Variants in ITGB6 observed in about 807,000 individuals in gnomAD.
The protein encoded by ITGB6 is integrin beta-6.
Under a neutral mutation model 84.5 loss-of-function variants are expected in ITGB6, and 80 were observed. The observed-to-expected ratio is 0.95, with a 90% confidence interval of 0.79 to 1.14. The LOEUF is 1.14. Among genes scored for constraint, ITGB6 ranks in the 50% most tolerant of loss-of-function variants. ITGB6 has a pLI of 0.00. For missense variants in ITGB6, 1,006 were observed against 968.0 expected, an observed-to-expected ratio of 1.04 and a Z score of -0.52; for synonymous variants, 383 against 354.9, an observed-to-expected ratio of 1.08 and a Z score of -0.89.
intron 7 of ITGB6, among the ~76,000 whole-genome samples, chr2:160,164,204 G>A (rs1684919991): frequency 6.6e-6 from 1 of 152,164 alleles, no homozygotes; most frequent in Non-Finnish European, 1.5e-5. Context: ...GACTTCTTAA[G>A]GCAGGCACTA....
chr2:160,174,925 G>A (rs1685358586), intron 4 of ITGB6, among the ~76,000 whole-genome samples: 2 of 152,196 alleles, frequency 1.3e-5, no homozygotes, highest in Admixed American at 1.3e-4. Context: ...GCATCACCCG[G>A]CAAATTGTTA....
At chr2:160,144,986 G>A (rs1170590549) in intron 7 of ITGB6, among the ~76,000 whole-genome samples, 1 of 152,032 alleles carries the variant, frequency 6.6e-6, no homozygotes, top group African/African-American at 2.4e-5. Context: ...CTAAAAATAT[G>A]GACAATTTGG....
intron 12 of ITGB6, among the ~76,000 whole-genome samples, chr2:160,115,776 C>A (rs568092897): frequency 6.6e-6 from 1 of 152,198 alleles, no homozygotes; most frequent in East Asian, 1.9e-4. Context: ...AAAAATTAGA[C>A]GAATGGATAA....
chr2:160,186,712 A>T (rs1007385665), intron 4 of ITGB6, among the ~76,000 whole-genome samples: 1 of 152,196 alleles, frequency 6.6e-6, no homozygotes, highest in Admixed American at 6.5e-5. Flanking sequence ...CTTGGAACCA[A>T]CCCAAATGTC....
intron 4 of ITGB6, among the ~76,000 whole-genome samples, chr2:160,180,252 C>T (rs1321695893): frequency 2.0e-5 from 3 of 152,100 alleles, no homozygotes; most frequent in African/African-American, 4.8e-5. Flanking sequence ...AGTGTCTCTC[C>T]ATCCACTGAA....
At chr2:160,148,912 G>C (rs907383788) in intron 7 of ITGB6, among the ~76,000 whole-genome samples, 1 of 152,260 alleles carries the variant, frequency 6.6e-6, no homozygotes, top group Non-Finnish European at 1.5e-5. Flanking sequence ...ATCTGCCATT[G>C]CTGAGGCTTT....
intron 7 of ITGB6, among the ~76,000 whole-genome samples, chr2:160,147,030 T>C (rs1274076629): frequency 6.8e-6 from 1 of 146,694 alleles, no homozygotes; most frequent in East Asian, 2.0e-4. Context: ...GTCTGGGAGG[T>C]TGGGGCTGCA....
intron 4 of ITGB6, chr2:160,179,142 C>T (rs2105877402): frequency 1.3e-5 from 2 of 152,100 alleles, no homozygotes; most frequent in South Asian, 4.1e-4. Context: ...ATAAATATTA[C>T]TTCAATTTTT....
intron 13 of ITGB6, among the ~76,000 whole-genome samples, chr2:160,108,717 A>G (rs1697006493): frequency 6.6e-6 from 1 of 152,192 alleles, no homozygotes; most frequent in Admixed American, 6.5e-5. Context: ...AATTATTCTT[A>G]TCCTCAAGCA....
chr2:160,102,835 C>T (rs1420192241), intron 14 of ITGB6, among the ~76,000 whole-genome samples: 3 of 152,210 alleles, frequency 2.0e-5, no homozygotes, highest in Non-Finnish European at 4.4e-5. Context: ...CATGACCGTA[C>T]TGAAGACACT....
rs1161953591 is a variant in ITGB6, at chr2:160,136,716, C to T, written c.1660+718G>A. On this transcript the variant is annotated intron_variant, in intron 10 of 14. Transcript: ENST00000283249. ...CACATATACGCCATGGAATACTATGCAGCCTTAAAAAATGATGAGTTCATG... is the reference window on the plus strand; with the variant it reads ...CACATATACGCCATGGAATACTATGTAGCCTTAAAAAATGATGAGTTCATG... 3.3e-5 allele frequency among the ~76,000 whole-genome samples: 5 copies of T among 152,302 alleles called. No individual in the cohort carries two copies. The South Asian group carries it at 1.0e-3, about 32-fold the overall frequency.
intron 4 of ITGB6, among the ~76,000 whole-genome samples, chr2:160,194,666 G>A (rs1686264526): frequency 6.6e-6 from 1 of 152,146 alleles, no homozygotes; most frequent in African/African-American, 2.4e-5. Flanking sequence ...ATCTGGCACA[G>A]AGCATATGGT....
intron 7 of ITGB6, among the ~76,000 whole-genome samples, chr2:160,150,653 A>G (rs1684378165): frequency 1.3e-5 from 2 of 152,228 alleles, no homozygotes; most frequent in Admixed American, 6.5e-5. Flanking sequence ...ATTAAAAGAC[A>G]CAGACTGGCA....
Position 160,126,572 on chromosome 2 carries a change from C to T in ITGB6, c.1690G>A (p.Val564Met). 1 of 1,613,714 alleles carries T rather than the reference C, an allele frequency of 6.2e-7. No individual in the cohort carries two copies. Among genetic ancestry groups the T allele is most frequent in the South Asian group, 1.1e-5 (1 of 91,058 alleles). ...GNGDCDCGECVCRSGWTGEYC... is the reference protein window; with the variant it reads ...GNGDCDCGECMCRSGWTGEYC... ...TCGCCAGTCCAGCCGCTCCTGCACACACATTCACCACAGTCACAGTCGCCG... is the reference window on the plus strand; with the variant it reads ...TCGCCAGTCCAGCCGCTCCTGCACATACATTCACCACAGTCACAGTCGCCG... Residue 564 changes from valine (V) to methionine (M), a missense_variant, in exon 11 of 15, where the codon GTG (valine) becomes ATG (methionine). Val to Met is a conservative substitution (Grantham distance 21, BLOSUM62 1). Coordinates refer to ENST00000283249, the MANE Select transcript of ITGB6 (RefSeq NM_000888.5).
Position 160,101,790 on chromosome 2 carries a change from AT to A in ITGB6, c.2312del (p.Asn771MetfsTer2), listed in dbSNP as rs1161479249. On this transcript the variant is annotated frameshift_variant, in exon 15 of 15. Coordinates refer to ENST00000283249, the MANE Select transcript of ITGB6 (RefSeq NM_000888.5). LOFTEE classifies it high-confidence loss of function. ...GTTTTTCCCTGTGTTTATAAGTTAC[AT>A]TTTTAAAAGTACTTGTGGATCCTCT... ...LYRGSTSTFK[N>X]VTYKHREKQK... 3 of 1,603,540 alleles carry A rather than the reference AT, an allele frequency of 1.9e-6. No individual in the cohort carries two copies. The highest frequency in any genetic ancestry group is 1.3e-5 in the African/African-American group (1 of 74,654).
intron 7 of ITGB6, among the ~76,000 whole-genome samples, chr2:160,161,138 A>G (rs1684801406): frequency 6.6e-6 from 1 of 152,138 alleles, no homozygotes; most frequent in African/African-American, 2.4e-5. Flanking sequence ...GCTGGTGGGA[A>G]AGGACAAGTT....
At chr2:160,147,337 G>C (rs1684236418) in intron 7 of ITGB6, among the ~76,000 whole-genome samples, 1 of 151,990 alleles carries the variant, frequency 6.6e-6, no homozygotes, top group Admixed American at 6.6e-5. Flanking sequence ...TGGTTAACAA[G>C]AATATCTTAA....
At chr2:160,106,858 G>C (rs946992223) in intron 14 of ITGB6, among the ~76,000 whole-genome samples, 2 of 152,136 alleles carry the variant, frequency 1.3e-5, no homozygotes, top group African/African-American at 2.4e-5. Flanking sequence ...GGAGCATTGC[G>C]TCTACCTGTA....
Position 160,138,113 on chromosome 2 carries a change from G to A in ITGB6, c.1194C>T (p.Thr398=), listed in dbSNP as rs1261280169. 8.7e-6 allele frequency: 14 copies of A among 1,613,720 alleles called. No individual in the cohort carries two copies. Among genetic ancestry groups the A allele is most frequent in the South Asian group, 4.4e-5 (4 of 91,032 alleles). Residue 398 remains threonine, a synonymous_variant, in exon 9 of 15, where the codon ACC becomes ACT. Transcript: ENST00000283249. The part of the protein sequence containing the change: ...LSFTAICNNG[T]LFQHQKKCSH... ...AGCATTTCTTTTGGTGTTGGAAGAG[G>A]GTACCGTTGTTACAGATGGCTGTAA...
Sources: gnomAD v4.1 joint callset for allele counts (sites outside exome capture counted in the v4.1 genomes callset) on GRCh38, gnomAD v4.1.1 for gene constraint, MANE v1.5 for transcripts, NCBI Gene and HGNC (gene_info 2026-07-23, HGNC 2026-07-21) for gene names.